The following PLPPR1 variants were observed in gnomAD, a reference collection of about 807,000 sequenced individuals.
PLPPR1 encodes phospholipid phosphatase related 1.
In PLPPR1, 10 loss-of-function variants were observed where a neutral mutation model predicts 33.1. That is an observed-to-expected ratio of 0.30 (90% CI 0.19 to 0.51). The LOEUF is 0.51. Ranked by LOEUF, PLPPR1 falls within the 20% of genes least tolerant of loss-of-function variation. The pLI is 0.97. For missense variants in PLPPR1, 304 were observed against 408.1 expected (o/e 0.74, Z 2.20); for synonymous variants, 151 against 151.0 (o/e 1.00, Z 0.00).
At chr9:101,193,138 G>A (rs540531608) in intron 2 of PLPPR1, among the ~76,000 whole-genome samples, 1 of 152,242 alleles carries the variant, frequency 6.6e-6, no homozygotes, top group African/African-American at 2.4e-5. Flanking sequence ...GAAGAGAAGA[G>A]AATGTAGGAC....
intron 7 of PLPPR1, 58 bp downstream of exon 7, chr9:101,317,554 G>C (rs1027124766): frequency 1.3e-6 from 2 of 1,525,106 alleles, no homozygotes; most frequent in African/African-American, 2.8e-5. Flanking sequence ...TGGGAGGTCA[G>C]TATCAATCCA....
chr9:101,194,000 G>T (rs1373240371), intron 2 of PLPPR1, among the ~76,000 whole-genome samples: 1 of 152,112 alleles, frequency 6.6e-6, no homozygotes, highest in Non-Finnish European at 1.5e-5. Context: ...TCTACAATCT[G>T]CCCTCCTTTA....
chr9:101,045,719 C>A (rs1281404834), intron 1 of PLPPR1, among the ~76,000 whole-genome samples: 3 of 152,172 alleles, frequency 2.0e-5, no homozygotes, highest in African/African-American at 4.8e-5. Flanking sequence ...ATAGGAAGAG[C>A]TTGGGCTCTG....
At chr9:101,088,243 T>A (rs1317997508) in intron 1 of PLPPR1, among the ~76,000 whole-genome samples, 1 of 152,080 alleles carries the variant, frequency 6.6e-6, no homozygotes, top group East Asian at 1.9e-4. Flanking sequence ...AATAAAGAAT[T>A]TGTGGTAAGA....
chr9:101,158,701 G>C (rs796807209), intron 1 of PLPPR1, among the ~76,000 whole-genome samples: 7 of 152,318 alleles, frequency 4.6e-5, no homozygotes, highest in African/African-American at 1.7e-4. Flanking sequence ...TCAAACGTTG[G>C]TTGAGGGTTG....
chr9:101,294,677 T>C (rs1210759517), intron 4 of PLPPR1, among the ~76,000 whole-genome samples: 2 of 152,086 alleles, frequency 1.3e-5, no homozygotes, highest in Non-Finnish European at 2.9e-5. Context: ...TAATCTAGCA[T>C]ATAAACAGAA....
At chr9:101,115,815 A>T (rs1831111481) in intron 1 of PLPPR1, among the ~76,000 whole-genome samples, 1 of 152,224 alleles carries the variant, frequency 6.6e-6, no homozygotes, top group African/African-American at 2.4e-5. Flanking sequence ...AATGAAAGGG[A>T]TTTCTTGCTT....
At chr9:101,089,976 G>C (rs1830723014) in intron 1 of PLPPR1, among the ~76,000 whole-genome samples, 1 of 152,180 alleles carries the variant, frequency 6.6e-6, no homozygotes, top group South Asian at 2.1e-4. Flanking sequence ...TGGAGTCTGA[G>C]AACAAGGTGT....
intron 5 of PLPPR1, among the ~76,000 whole-genome samples, chr9:101,310,607 G>A (rs11790209): frequency 0.23 from 35,469 of 152,074 alleles, 4,272 homozygotes; most frequent in Admixed American, 0.28. Flanking sequence ...TGGAAAAAAG[G>A]CAAAAACTCA....
At chr9:101,268,508 A>G (rs1828038948) in intron 2 of PLPPR1, among the ~76,000 whole-genome samples, 1 of 152,148 alleles carries the variant, frequency 6.6e-6, no homozygotes, top group South Asian at 2.1e-4. Flanking sequence ...TGCCTCCCCC[A>G]TCACTCTCTA....
At chr9:101,059,460 G>C (rs1159349873) in intron 1 of PLPPR1, among the ~76,000 whole-genome samples, 4 of 152,054 alleles carry the variant, frequency 2.6e-5, no homozygotes, top group Admixed American at 2.6e-4. Flanking sequence ...TTTGAATTTG[G>C]TGTATATAAA....
At chr9:101,185,299 T>A in intron 1 of PLPPR1, 151 bp from the exon 2 acceptor site, 1 of 459,126 alleles carries the variant, frequency 2.2e-6, no homozygotes, top group Non-Finnish European at 3.9e-6. Context: ...ATTATTAGTC[T>A]GACTTGACTG....
intron 1 of PLPPR1, among the ~76,000 whole-genome samples, chr9:101,086,284 G>A (rs1010779284): frequency 6.6e-6 from 1 of 152,150 alleles, no homozygotes; most frequent in Non-Finnish European, 1.5e-5. Context: ...ACTTATGGAA[G>A]AGGTGGGAGG....
Position 101,087,608 on chromosome 9 carries a change from G to A in PLPPR1, c.-46+58506G>A, listed in dbSNP as rs555699353. Among the ~76,000 whole-genome samples the A allele has an allele frequency of 3.3e-5, 5 of 152,258 alleles. 1 individual carries two copies. The South Asian group carries it at 1.0e-3, about 32-fold the overall frequency. ...GCCCTCTAAAACCAATGTAGACTGG[G>A]TTGAATTTACTTGTTCTTTGTTCTC... On this transcript the variant is annotated intron_variant, in intron 1 of 7. Transcript: ENST00000374874.
chr9:101,139,885 C>T (rs1029856132), intron 1 of PLPPR1, among the ~76,000 whole-genome samples: 7 of 152,256 alleles, frequency 4.6e-5, no homozygotes, highest in African/African-American at 1.7e-4. Flanking sequence ...GGTTTCAGAA[C>T]TAAGGACTGA....
At chr9:101,201,499 T>C (rs1826491471) in intron 2 of PLPPR1, among the ~76,000 whole-genome samples, 2 of 152,190 alleles carry the variant, frequency 1.3e-5, no homozygotes, top group South Asian at 4.1e-4. Context: ...TTTGAGGGTC[T>C]GACAAAATAT....
At position 101,122,179 on chromosome 9, in the gene PLPPR1, G is replaced by T. The variant is rs1038437393; in HGVS notation, c.-45-63271G>T. ...ATTTTTCAGAAGTAGCATGTGAGCT[G>T]TAACAAGGAATCTTATCTGGCAATC... is the stretch of plus-strand genomic sequence containing the variant. On this transcript the variant is annotated intron_variant, in intron 1 of 7. Transcript: ENST00000374874. 2.6e-5 allele frequency among the ~76,000 whole-genome samples: 4 copies of T among 152,180 alleles called. No homozygotes were observed. In the East Asian group the frequency reaches 7.7e-4, roughly 29 times the overall value.
At chr9:101,208,068 C>T (rs905222701) in intron 2 of PLPPR1, among the ~76,000 whole-genome samples, 6 of 152,172 alleles carry the variant, frequency 3.9e-5, no homozygotes, top group Non-Finnish European at 1.5e-5. Flanking sequence ...GGTGCAGCTC[C>T]CCCTTAAAAG....
intron 4 of PLPPR1, among the ~76,000 whole-genome samples, chr9:101,294,521 A>G (rs1384778231): frequency 1.3e-5 from 2 of 152,148 alleles, no homozygotes; most frequent in East Asian, 3.8e-4. Context: ...TTAGACCAAT[A>G]TCCTTGATGA....
Sources: allele counts gnomAD v4.1 joint callset (sites outside exome capture counted in the v4.1 genomes callset), GRCh38; gene constraint gnomAD v4.1.1; transcripts MANE v1.5; gene names NCBI Gene and HGNC (gene_info 2026-07-23, HGNC 2026-07-21).